Variants in CEP20 observed in about 807,000 individuals in gnomAD.
The protein encoded by CEP20 is FGFR1OP N-terminal like.
In CEP20, 18 loss-of-function variants were observed where a neutral mutation model predicts 20.0. That is an observed-to-expected ratio of 0.90 (90% CI 0.62 to 1.34). The LOEUF (loss-of-function observed/expected upper bound fraction) is 1.34. Ranked by LOEUF, CEP20 falls within the 40% of genes most tolerant of loss-of-function variation. CEP20 has a pLI of 0.00. For missense variants in CEP20, 215 were observed against 201.6 expected, an observed-to-expected ratio of 1.07 and a Z score of -0.40; for synonymous variants, 77 against 73.7, an observed-to-expected ratio of 1.04 and a Z score of -0.23.
chr16:15,879,733 G>T lies in CEP20; in HGVS notation c.311+71C>A, dbSNP rs1467698598. 4 of 846,156 alleles carry T rather than the reference G, an allele frequency of 4.7e-6. No homozygotes were observed. The Middle Eastern group carries it at 8.6e-4, about 181-fold the overall frequency. 52.4% of individuals were successfully genotyped at this position (846,156 alleles called of 1,614,324 possible). Reference sequence around the variant, plus strand: ...TCTGAATAAATACTTGAATTAAAATGAAGTAAAACCACCATGGTGCAATTA... The same window carrying T: ...TCTGAATAAATACTTGAATTAAAATTAAGTAAAACCACCATGGTGCAATTA... On this transcript the variant is annotated intron_variant, in intron 3 of 4. Transcript: ENST00000255759.
At chr16:15,886,131 C>G (rs1417740591) in intron 1 of CEP20, 1 of 152,236 alleles carries the variant, frequency 6.6e-6, no homozygotes, top group East Asian at 1.9e-4. Flanking sequence ...GTTCTGCACC[C>G]TGCCAAAGGC....
At chr16:15,870,520 C>T (rs958240670) in intron 4 of CEP20, among the ~76,000 whole-genome samples, 1 of 152,090 alleles carries the variant, frequency 6.6e-6, no homozygotes, top group Non-Finnish European at 1.5e-5. Flanking sequence ...AATGTTACAT[C>T]ACAATACTGT....
At chr16:15,877,432 A>T (rs901878061) in intron 3 of CEP20, among the ~76,000 whole-genome samples, 3 of 151,990 alleles carry the variant, frequency 2.0e-5, no homozygotes, top group Admixed American at 1.3e-4. Context: ...TCCCCCAATT[A>T]TTTTTCCCAC....
At chr16:15,878,296 A>C (rs1057105226) in intron 3 of CEP20, among the ~76,000 whole-genome samples, 1 of 152,178 alleles carries the variant, frequency 6.6e-6, no homozygotes, top group African/African-American at 2.4e-5. Context: ...ATCAGAAATC[A>C]GGTGTGAGCA....
intron 4 of CEP20, among the ~76,000 whole-genome samples, chr16:15,869,310 CTTTT>C (rs11351295): frequency 2.5e-5 from 3 of 118,176 alleles, no homozygotes; most frequent in Non-Finnish European, 3.4e-5. Flanking sequence ...TCTTTCTTTC[CTTTT>C]TTTTTTTTTT....
chr16:15,882,731 A>ATATCTATCTATCTATCTACCTATCTATC (rs1007837818), intron 2 of CEP20, among the ~76,000 whole-genome samples: 1 of 145,546 alleles, frequency 6.9e-6, no homozygotes, highest in African/African-American at 2.6e-5. Flanking sequence ...TATCTCCATT[A>ATATCTATCTATCTATCTACCTATCTATC]TATCTATCTA....
intron 3 of CEP20, among the ~76,000 whole-genome samples, chr16:15,875,354 G>T (rs55674405): frequency 0.069 from 10,544 of 152,204 alleles, 489 homozygotes; most frequent in East Asian, 0.22. Context: ...TCAAAAAAAT[G>T]TACTTGTGAT....
chr16:15,879,821 T>C lies in CEP20; in HGVS notation c.294A>G (p.Glu98=). The C allele has an allele frequency of 6.3e-7, 1 of 1,579,086 alleles. No homozygotes were observed. Among genetic ancestry groups the C allele is most frequent in the South Asian group, 1.2e-5 (1 of 86,076 alleles). Residue 98 remains glutamate, a synonymous_variant, in exon 3 of 5, where the codon GAA becomes GAG. Coordinates refer to ENST00000255759, the MANE Select transcript of CEP20 (RefSeq NM_144600.4). The part of the protein sequence containing the change: ...FLIHELNAFE[E]SKDNTIPLLY... ...TGTCTTACATTGTATTATCCTTTGA[T>C]TCTTCAAATGCATTTAGTTCATGGA...
intron 3 of CEP20, among the ~76,000 whole-genome samples, chr16:15,876,927 C>G (rs1201142035): frequency 2.6e-5 from 4 of 151,038 alleles, no homozygotes; most frequent in Non-Finnish European, 5.9e-5. Flanking sequence ...TCTCGGCTCA[C>G]TGCAAGCTCC....
intron 4 of CEP20, 85 bp from the exon 5 acceptor site, chr16:15,867,601 G>T: frequency 1.2e-6 from 1 of 844,974 alleles, no homozygotes; most frequent in Non-Finnish European, 1.9e-6. Context: ...ATCTTAGGAT[G>T]TTACATATTT....
At chr16:15,875,069 G>A (rs951589539) in intron 3 of CEP20, among the ~76,000 whole-genome samples, 4 of 152,146 alleles carry the variant, frequency 2.6e-5, no homozygotes, top group South Asian at 2.1e-4. Flanking sequence ...CTAGACTTAC[G>A]TGACTAAGCC....
chr16:15,878,836 G>C (rs978872586), intron 3 of CEP20, among the ~76,000 whole-genome samples: 1 of 152,070 alleles, frequency 6.6e-6, no homozygotes, highest in Non-Finnish European at 1.5e-5. Flanking sequence ...GGCTAGTCTT[G>C]AACTCCTGAG....
Position 15,866,061 on chromosome 16 carries a change from G to A in CEP20, c.*1379C>T, listed in dbSNP as rs2044671104. ...AATCAGATATTGCAGATTTAAAAAT[G>A]GAAAATGGACTCTTGCAATACTTCT... is the stretch of plus-strand genomic sequence containing the variant. On this transcript the variant is annotated 3_prime_UTR_variant, in exon 5 of 5. Transcript: ENST00000255759. The A allele has an allele frequency of 6.6e-6, 1 of 152,104 alleles. No individual in the cohort carries two copies. Among genetic ancestry groups the A allele is most frequent in the Admixed American group, 6.6e-5 (1 of 15,252 alleles). The allele number at this position is 152,104 out of a possible 1,614,324, so 9.4% of individuals were successfully genotyped here. A position where few individuals can be genotyped will look rare whatever the true frequency, so the allele number is the denominator to read the frequency against.
At chr16:15,884,288 G>A in intron 1 of CEP20, 83 bp from the exon 2 acceptor site, 1 of 1,318,308 alleles carries the variant, frequency 7.6e-7, no homozygotes, top group African/African-American at 1.5e-5. Flanking sequence ...ATGTTGAAAA[G>A]GTAAATGGTA....
Position 15,888,565 on chromosome 16 carries a change from C to A in CEP20, c.21G>T (p.Leu7Phe), listed in dbSNP as rs780495622. MATVAELKAVLKDTLEK... is the reference protein window; with the variant it reads MATVAEFKAVLKDTLEK... ...CTCCCTGCTCGCACTCACCAGCCTTCAACTCTGCCACAGTCGCCATTTTTC... is the reference window on the plus strand; with the variant it reads ...CTCCCTGCTCGCACTCACCAGCCTTAAACTCTGCCACAGTCGCCATTTTTC... The change falls in exon 1 of 5, where the codon TTG becomes TTT. Residue 7 changes from leucine (L) to phenylalanine (F), a missense_variant. Physicochemically the swap from Leu to Phe is conservative, Grantham distance 22 (BLOSUM62 0). Coordinates refer to ENST00000255759, the MANE Select transcript of CEP20 (RefSeq NM_144600.4). 9.3e-6 allele frequency: 15 copies of A among 1,614,082 alleles called. No individual in the cohort carries two copies. The East Asian group carries it at 3.1e-4, about 34-fold the overall frequency.
chr16:15,874,547 CT>C (rs1555464265), intron 3 of CEP20, among the ~76,000 whole-genome samples: 2 of 152,192 alleles, frequency 1.3e-5, no homozygotes, highest in Non-Finnish European at 2.9e-5. Context: ...AGCTGCTCTG[CT>C]GACAATCAAG....
At chr16:15,868,417 T>C (rs1944227193) in intron 4 of CEP20, among the ~76,000 whole-genome samples, 1 of 152,044 alleles carries the variant, frequency 6.6e-6, no homozygotes, top group African/African-American at 2.4e-5. Flanking sequence ...AGCAAGACTC[T>C]TGTCTCGAGA....
At chr16:15,878,335 T>C (rs1053471982) in intron 3 of CEP20, among the ~76,000 whole-genome samples, 1 of 151,932 alleles carries the variant, frequency 6.6e-6, no homozygotes, top group African/African-American at 2.4e-5. Context: ...TAGAAAGAGG[T>C]GTAAAGTGCT....
chr16:15,882,466 G>A (rs947955948), intron 2 of CEP20, among the ~76,000 whole-genome samples: 9 of 151,952 alleles, frequency 5.9e-5, no homozygotes, highest in Non-Finnish European at 1.2e-4. Flanking sequence ...GGAGGTAGAC[G>A]TTGCAGTGAG....
Sources: allele counts gnomAD v4.1 joint callset (sites outside exome capture counted in the v4.1 genomes callset), GRCh38; gene constraint gnomAD v4.1.1; transcripts MANE v1.5; gene names NCBI Gene and HGNC (gene_info 2026-07-23, HGNC 2026-07-21).